Variants in WDFY1 observed in about 807,000 individuals in gnomAD.
WDFY1 encodes WD repeat and FYVE domain containing 1.
Under a neutral mutation model 56.4 loss-of-function variants are expected in WDFY1, and 32 were observed. That is an observed-to-expected ratio of 0.57 (90% confidence interval 0.43 to 0.76). The LOEUF is 0.76. Ranked by LOEUF, WDFY1 falls within the 30% of genes least tolerant of loss-of-function variation. The probability of loss-of-function intolerance (pLI) is 0.00; values close to 1 mark genes in which losing one functional copy is unlikely to be tolerated. For missense variants in WDFY1, 480 were observed against 545.7 expected, an observed-to-expected ratio of 0.88 and a Z score of 1.20; for synonymous variants, 192 against 197.3, an observed-to-expected ratio of 0.97 and a Z score of 0.23.
chr2:223,938,032 G>C (rs1342243793), intron 1 of WDFY1, among the ~76,000 whole-genome samples: 1 of 151,974 alleles, frequency 6.6e-6, no homozygotes, highest in African/African-American at 2.4e-5. Context: ...TACATATTTG[G>C]TATAATTTTT....
chr2:223,893,186 C>T (rs935545497), intron 8 of WDFY1, among the ~76,000 whole-genome samples: 6 of 151,970 alleles, frequency 3.9e-5, no homozygotes, highest in African/African-American at 1.5e-4. Context: ...CACACAATGA[C>T]AAGGTCAAGA....
intron 3 of WDFY1, among the ~76,000 whole-genome samples, chr2:223,909,431 C>T (rs36053433): frequency 0.32 from 48,329 of 151,842 alleles, 8,810 homozygotes; most frequent in South Asian, 0.42. Context: ...TTCTTTCATT[C>T]CCTCCCCAGC....
At chr2:223,894,100 C>G in intron 8 of WDFY1, 134 bp downstream of exon 8, 1 of 759,300 alleles carries the variant, frequency 1.3e-6, no homozygotes, top group African/African-American at 1.8e-5. Context: ...TCAGAAATAA[C>G]CCATTAGCAG....
At chr2:223,882,175 C>T (rs1384085072) in intron 9 of WDFY1, 103 bp from the exon 10 acceptor site, 5 of 1,411,370 alleles carry the variant, frequency 3.5e-6, no homozygotes, top group East Asian at 2.8e-5. Context: ...AGTGCAGTGG[C>T]GTGATCTCGG....
chr2:223,896,070 T>C lies in WDFY1; in HGVS notation c.599-440A>G, dbSNP rs572054269. On this transcript the variant is annotated intron_variant, in intron 6 of 11. Transcript: ENST00000233055. ...ACTCGGGAGGCTAAGGTGGGAGAAT[T>C]GCTTGAACCCAGGAGGTGGAAGTTG... is the stretch of plus-strand genomic sequence containing the variant. 3.5e-5 allele frequency among the ~76,000 whole-genome samples: 5 copies of C among 143,134 alleles called. No homozygotes were observed. The East Asian group carries it at 8.4e-4, about 24-fold the overall frequency. 93.9% of individuals were successfully genotyped at this position (143,134 alleles called of 152,430 possible).
intron 2 of WDFY1, among the ~76,000 whole-genome samples, chr2:223,914,099 C>A (rs913700155): frequency 7.3e-6 from 1 of 137,004 alleles, no homozygotes; most frequent in East Asian, 2.2e-4. Flanking sequence ...TGGGTTCAAG[C>A]GATTCTCCTG....
At chr2:223,904,442 G>A (rs753099993) in intron 4 of WDFY1, among the ~76,000 whole-genome samples, 4 of 151,798 alleles carry the variant, frequency 2.6e-5, no homozygotes, top group East Asian at 1.9e-4. Flanking sequence ...TAGTAGAGAC[G>A]GGTTTTCACC....
At chr2:223,904,209 G>C (rs764766002) in intron 4 of WDFY1, among the ~76,000 whole-genome samples, 2 of 152,056 alleles carry the variant, frequency 1.3e-5, no homozygotes, top group African/African-American at 4.8e-5. Context: ...CATACTCCAA[G>C]GACAAATGTA....
chr2:223,936,498 A>G (rs959696667), intron 1 of WDFY1, among the ~76,000 whole-genome samples: 2 of 152,190 alleles, frequency 1.3e-5, no homozygotes, highest in African/African-American at 2.4e-5. Context: ...GAACTCAGGG[A>G]AGCCAGTTAA....
chr2:223,882,461 G>A (rs185207534), intron 9 of WDFY1, among the ~76,000 whole-genome samples: 1 of 152,250 alleles, frequency 6.6e-6, no homozygotes, highest in Admixed American at 6.5e-5. Context: ...AGGGCAACAG[G>A]AGCGGGGAGG....
chr2:223,899,222 A>G (rs1693459408), intron 5 of WDFY1, 152 bp from the exon 6 acceptor site: 1 of 573,818 alleles, frequency 1.7e-6, no homozygotes, highest in African/African-American at 1.9e-5. Flanking sequence ...ACAAGAAAGG[A>G]AACACCCAAC....
chr2:223,901,345 G>C lies in WDFY1; in HGVS notation c.335-12C>G, dbSNP rs1299373571. ...CCGGTTCTGATGAGCTGCAGGAACAGAAAGGTGAACAGATGTCATCTCCAG... is the reference window on the plus strand; with the variant it reads ...CCGGTTCTGATGAGCTGCAGGAACACAAAGGTGAACAGATGTCATCTCCAG... On this transcript the variant is annotated splice_polypyrimidine_tract_variant and intron_variant, in intron 4 of 11. Transcript: ENST00000233055. The C allele has an allele frequency of 6.2e-7, 1 of 1,613,876 alleles. No homozygotes were observed. The highest frequency in any genetic ancestry group is 1.7e-5 in the Admixed American group (1 of 59,990).
rs1397790573 is a variant in WDFY1 at position 223,875,614 on chromosome 2, CAA to C, written c.*3055_*3056del. On this transcript the variant is annotated 3_prime_UTR_variant, in exon 12 of 12. Transcript: ENST00000233055. ...TTGCACAATTAAACTTCAACTTACT[CAA>C]AGAGTTATTGTATTGTAAACTGCAG... The C allele has an allele frequency of 6.6e-6, 1 of 152,194 alleles. No individual in the cohort carries two copies. Among genetic ancestry groups the C allele is most frequent in the African/African-American group, 2.4e-5 (1 of 41,438 alleles). 9.4% of individuals were successfully genotyped at this position (152,194 alleles called of 1,614,324 possible). A position where few individuals can be genotyped will look rare whatever the true frequency, so the allele number is the denominator to read the frequency against.
chr2:223,894,388 A>G (rs376622992), intron 7 of WDFY1, 49 bp from the exon 8 acceptor site: 3 of 1,593,246 alleles, frequency 1.9e-6, no homozygotes, highest in African/African-American at 2.7e-5. Context: ...GGAAAAACAC[A>G]GGAACTGTCT....
chr2:223,885,807 C>A (rs189161658), intron 8 of WDFY1, among the ~76,000 whole-genome samples: 2 of 152,198 alleles, frequency 1.3e-5, no homozygotes, highest in East Asian at 3.9e-4. Flanking sequence ...AGATTTGCCC[C>A]CCTTCCCTTC....
In WDFY1 at chr2:223,876,351, TTTC is replaced by T. The variant is rs1692971197; in HGVS notation, c.*2317_*2319del. ...CAATAACCATCAGCCTATCTGTACT[TTTC>T]TTCTGTGCCTACTCAGTAAAATTGA... On this transcript the variant is annotated 3_prime_UTR_variant, in exon 12 of 12. Coordinates refer to ENST00000233055, the MANE Select transcript of WDFY1 (RefSeq NM_020830.5). The T allele has an allele frequency of 1.3e-5, 2 of 152,612 alleles. No individual in the cohort carries two copies. The highest frequency in any genetic ancestry group is 4.8e-5 in the African/African-American group (2 of 41,448). 9.5% of individuals were successfully genotyped at this position (152,612 alleles called of 1,614,324 possible).
chr2:223,898,921 T>C, intron 6 of WDFY1, 37 bp downstream of exon 6: 1 of 1,560,980 alleles, frequency 6.4e-7, no homozygotes, highest in African/African-American at 1.4e-5. Flanking sequence ...ATGTCCAAGT[T>C]AGGCAAAAAA....
At chr2:223,934,672 C>T (rs1694139070) in intron 1 of WDFY1, among the ~76,000 whole-genome samples, 1 of 152,100 alleles carries the variant, frequency 6.6e-6, no homozygotes, top group African/African-American at 2.4e-5. Flanking sequence ...AGGCATCTGC[C>T]ACCATGCCTG....
intron 6 of WDFY1, among the ~76,000 whole-genome samples, chr2:223,897,392 T>TATATA (rs1559166027): frequency 3.8e-5 from 3 of 78,072 alleles, no homozygotes; most frequent in African/African-American, 1.4e-4. Context: ...ATATATATAT[T>TATATA]TTTTAAGACG....
Sources: allele counts gnomAD v4.1 joint callset (sites outside exome capture counted in the v4.1 genomes callset), GRCh38; gene constraint gnomAD v4.1.1; transcripts MANE v1.5; gene names NCBI Gene and HGNC (gene_info 2026-07-23, HGNC 2026-07-21).